HM13: variants seen among roughly 807,000 people sequenced by gnomAD.
HM13 encodes the protein signal peptide peptidase.
In HM13, 18 loss-of-function variants were observed where a neutral mutation model predicts 50.0. The ratio of observed to expected loss-of-function variants is 0.36; its 90% CI spans 0.25 to 0.53. The LOEUF (loss-of-function observed/expected upper bound fraction) is 0.53. HM13 is among the 20% of genes least tolerant of loss of function. The pLI is 0.90. For missense variants in HM13, 393 were observed against 552.4 expected (o/e 0.71, Z 2.89); for synonymous variants, 197 against 232.6 (o/e 0.85, Z 1.39).
intron 8 of HM13, among the ~76,000 whole-genome samples, chr20:31,558,661 T>C (rs544629267): frequency 6.6e-6 from 1 of 152,102 alleles, no homozygotes; most frequent in East Asian, 1.9e-4. Flanking sequence ...GAAGCACAAT[T>C]CTCCTGCCTC....
At chr20:31,541,843 C>A (rs1316875008) in intron 3 of HM13, 1 of 152,196 alleles carries the variant, frequency 6.6e-6, no homozygotes, top group African/African-American at 2.4e-5. Flanking sequence ...AACAACAGAT[C>A]CAAAGGTTTA....
chr20:31,548,238 A>G, intron 4 of HM13: 1 of 557,620 alleles, frequency 1.8e-6, no homozygotes, highest in South Asian at 2.0e-5. Flanking sequence ...GGGGACAAGC[A>G]GCAAGCAGTC....
intron 1 of HM13, among the ~76,000 whole-genome samples, chr20:31,518,604 C>A (rs1339289295): frequency 6.6e-6 from 1 of 151,738 alleles, no homozygotes; most frequent in Non-Finnish European, 1.5e-5. Context: ...CGAGATCATG[C>A]CACTGCACTC....
intron 1 of HM13, among the ~76,000 whole-genome samples, chr20:31,524,057 G>A (rs997657525): frequency 3.3e-5 from 5 of 152,092 alleles, no homozygotes; most frequent in Non-Finnish European, 7.4e-5. Flanking sequence ...AGGCTGTTTC[G>A]CATCCCATAT....
chr20:31,524,993 G>A (rs1037864570), intron 1 of HM13, among the ~76,000 whole-genome samples: 11 of 152,186 alleles, frequency 7.2e-5, no homozygotes, highest in African/African-American at 2.4e-4. Flanking sequence ...GATTACAAGC[G>A]TGAGCCATTG....
intron 8 of HM13, among the ~76,000 whole-genome samples, chr20:31,559,211 A>C (rs1358154159): frequency 6.6e-6 from 1 of 152,162 alleles, no homozygotes; most frequent in East Asian, 1.9e-4. Flanking sequence ...ACAATCTCAC[A>C]ATGATTTCCG....
At chr20:31,568,399 G>GCTTC (rs1985055525) in intron 12 of HM13, 175 bp downstream of exon 12, 1 of 918,708 alleles carries the variant, frequency 1.1e-6, no homozygotes. Flanking sequence ...GGGCTGGGAA[G>GCTTC]CAGGACAACC....
intron 7 of HM13, among the ~76,000 whole-genome samples, chr20:31,552,858 A>G (rs1410979429): frequency 1.3e-5 from 2 of 152,204 alleles, no homozygotes; most frequent in African/African-American, 4.8e-5. Context: ...GCACAAGCTT[A>G]TTCAGAATCC....
At chr20:31,519,902 C>T (rs543557502) in intron 1 of HM13, among the ~76,000 whole-genome samples, 2 of 142,546 alleles carry the variant, frequency 1.4e-5, no homozygotes, top group Non-Finnish European at 3.0e-5. Flanking sequence ...AGTGTGAGTG[C>T]GGTGGTGCCA....
rs1212555754 is a variant in HM13 at position 31,566,250 on chromosome 20, C to T, written c.989C>T (p.Pro330Leu). 9.9e-6 allele frequency: 16 copies of T among 1,613,950 alleles called. No individual in the cohort carries two copies. Among genetic ancestry groups the T allele is most frequent in the Non-Finnish European group, 1.4e-5 (16 of 1,179,984 alleles). ...LYLVPACIGF[P>L]VLVALAKGEV... is the part of the protein sequence containing the mutation. ...CTGGTCCCCGCCTGCATCGGTTTTC[C>T]TGTCCTGGTGGCGCTGGCCAAGGGA... The change falls in exon 11 of 13, where the codon CCT becomes CTT. Residue 330 changes from proline (P) to leucine (L), a missense_variant. This residue lies in a region of HM13 where 74 missense variants were observed against 160.4 expected (regional missense o/e 0.46). Transcript: ENST00000398174.
At chr20:31,543,227 C>T (rs1317074613) in intron 3 of HM13, among the ~76,000 whole-genome samples, 1 of 152,208 alleles carries the variant, frequency 6.6e-6, no homozygotes, top group Non-Finnish European at 1.5e-5. Context: ...TACCACAGCC[C>T]TACAGGCTAG....
intron 10 of HM13, among the ~76,000 whole-genome samples, chr20:31,562,957 G>A (rs1167910460): frequency 6.6e-6 from 1 of 152,104 alleles, no homozygotes; most frequent in Non-Finnish European, 1.5e-5. Flanking sequence ...GCAGCTCCCG[G>A]CCCCTTATTG....
chr20:31,550,250 C>A (rs1043964072), intron 7 of HM13, 129 bp downstream of exon 7: 3 of 724,388 alleles, frequency 4.1e-6, no homozygotes, highest in South Asian at 3.0e-5. Flanking sequence ...GGCTCCCCAG[C>A]CTGGTTTCCT....
rs543520815 is a variant in HM13 at position 31,538,510 on chromosome 20, G to A, written c.365+249G>A. 2.6e-5 allele frequency: 36 copies of A among 1,402,076 alleles called. No individual in the cohort carries two copies. In the East Asian group the frequency reaches 8.4e-4, roughly 33 times the overall value. 86.9% of individuals were successfully genotyped at this position (1,402,076 alleles called of 1,614,324 possible). On this transcript the variant is annotated intron_variant, in intron 3 of 12. Coordinates refer to ENST00000398174, the MANE Select transcript of HM13 (RefSeq NM_178581.3). ...TTCCACCACCACAGCTGTTGGGAAA[G>A]TGATTTGTGAGCAGTAATGTCATGT...
chr20:31,529,769 C>T (rs1942669562), intron 2 of HM13, among the ~76,000 whole-genome samples: 1 of 152,008 alleles, frequency 6.6e-6, no homozygotes, highest in Admixed American at 6.6e-5. Flanking sequence ...CTACAAAAAT[C>T]CATCCTGGCC....
chr20:31,550,405 C>T (rs1983981188), intron 7 of HM13: 6 of 408,828 alleles, frequency 1.5e-5, no homozygotes, highest in Admixed American at 7.4e-5. Context: ...GGGGGGCACG[C>T]GCAGGGGCTT....
rs185230003 is a variant in HM13, at chr20:31,566,114, C to T, written c.949-96C>T. Reference sequence around the variant, plus strand: ...GCTATGGTCCTGGACCAGTCACTGTCCTTCAGTCCAGCCCAGAAGGGGTTT... The same window carrying T: ...GCTATGGTCCTGGACCAGTCACTGTTCTTCAGTCCAGCCCAGAAGGGGTTT... On this transcript the variant is annotated intron_variant, in intron 10 of 12. Transcript: ENST00000398174. 22 of 859,552 alleles carry T rather than the reference C, an allele frequency of 2.6e-5. No individual in the cohort carries two copies. The African/African-American group carries it at 3.2e-4, about 13-fold the overall frequency. 53.2% of individuals were successfully genotyped at this position (859,552 alleles called of 1,614,324 possible).
intron 2 of HM13, among the ~76,000 whole-genome samples, chr20:31,529,793 C>G (rs1982705426): frequency 6.6e-6 from 1 of 151,964 alleles, no homozygotes; most frequent in South Asian, 2.1e-4. Context: ...GTGGTGAAAC[C>G]CGGTCTCTAC....
chr20:31,558,475 C>T (rs1414298705), intron 8 of HM13, among the ~76,000 whole-genome samples: 3 of 152,196 alleles, frequency 2.0e-5, no homozygotes, highest in African/African-American at 7.2e-5. Flanking sequence ...AGTAGGCAAG[C>T]TGCCTTAGTG....
Sources: gnomAD v4.1 joint callset for allele counts (sites outside exome capture counted in the v4.1 genomes callset) on GRCh38, gnomAD v4.1.1 for gene constraint, gnomAD v4.1.1 regional missense constraint, MANE v1.5 for transcripts, NCBI Gene and HGNC (gene_info 2026-07-23, HGNC 2026-07-21) for gene names.